Variants in MAP4K5 observed in about 807,000 individuals in gnomAD.
The protein encoded by MAP4K5 is MAPK/ERK kinase kinase kinase 5.
In MAP4K5, 82 loss-of-function variants were observed where a neutral mutation model predicts 135.6. That is an observed-to-expected ratio of 0.60 (90% CI 0.51 to 0.73). MAP4K5 has a LOEUF of 0.73. Among genes scored for constraint, MAP4K5 ranks in the 30% least tolerant of loss-of-function variants. The probability of loss-of-function intolerance (pLI) is 0.00; values close to 1 mark genes in which losing one functional copy is unlikely to be tolerated. For synonymous variants in MAP4K5, 347 were observed against 335.0 expected (o/e 1.04, Z -0.39); for missense variants, 907 against 1,010.9 (o/e 0.90, Z 1.39).
At chr14:50,506,656 G>A (rs889697339) in intron 2 of MAP4K5, among the ~76,000 whole-genome samples, 1 of 152,104 alleles carries the variant, frequency 6.6e-6, no homozygotes, top group Admixed American at 6.5e-5. Flanking sequence ...GGCCTGGCAA[G>A]AAAATAATTT....
intron 14 of MAP4K5, among the ~76,000 whole-genome samples, chr14:50,452,735 A>C (rs937262343): frequency 1.3e-5 from 2 of 152,212 alleles, no homozygotes; most frequent in African/African-American, 4.8e-5. Flanking sequence ...ACATAGAGAC[A>C]TACGCCAATC....
intron 3 of MAP4K5, among the ~76,000 whole-genome samples, chr14:50,491,913 C>T (rs559951924): frequency 6.6e-6 from 1 of 152,222 alleles, no homozygotes; most frequent in South Asian, 2.1e-4. Flanking sequence ...TCTCGAACTT[C>T]TGAGCTCAGG....
At chr14:50,459,785 C>A (rs571568268) in intron 13 of MAP4K5, among the ~76,000 whole-genome samples, 2 of 151,394 alleles carry the variant, frequency 1.3e-5, no homozygotes, top group South Asian at 4.2e-4. Flanking sequence ...GTAACCTTTG[C>A]TTCCCAGACT....
chr14:50,529,498 TATTCATTC>T (rs1006517934), intron 2 of MAP4K5, among the ~76,000 whole-genome samples: 2 of 152,196 alleles, frequency 1.3e-5, no homozygotes, highest in Admixed American at 6.5e-5. Flanking sequence ...CAGAGTCTGA[TATTCATTC>T]ATTCATTCAT....
intron 3 of MAP4K5, among the ~76,000 whole-genome samples, chr14:50,502,295 T>C (rs1212927801): frequency 1.3e-5 from 2 of 152,184 alleles, no homozygotes; most frequent in African/African-American, 2.4e-5. Flanking sequence ...CAAAATAACA[T>C]TCTATGTATG....
rs1348954769 is a variant in MAP4K5, at chr14:50,420,062, T to C, written c.2498A>G (p.His833Arg). Residue 833 changes from histidine (H) to arginine (R), a missense_variant, in exon 33 of 33, where the codon CAC (histidine) becomes CGC (arginine). This residue lies in a region of MAP4K5 where 690 missense variants were observed against 777.4 expected (regional missense o/e 0.89). Coordinates refer to ENST00000682126, the MANE Select transcript of MAP4K5 (RefSeq NM_006575.6). ...TCCAGCCAAGATGTAGAGATTGCTG[T>C]GTGCAGTAGGATTTTCTGTTGGCCT... ...ESRPTENPTA[H>R]SNLYILAGHE... The C allele has an allele frequency of 3.7e-6, 6 of 1,611,314 alleles. No homozygotes were observed. The East Asian group carries it at 1.1e-4, about 30-fold the overall frequency.
At chr14:50,525,953 A>C (rs879483541) in intron 2 of MAP4K5, among the ~76,000 whole-genome samples, 1 of 152,186 alleles carries the variant, frequency 6.6e-6, no homozygotes, top group Non-Finnish European at 1.5e-5. Flanking sequence ...CCATCTATAA[A>C]ATAATAAAAA....
intron 1 of MAP4K5, among the ~76,000 whole-genome samples, chr14:50,549,157 T>C (rs1353143452): frequency 6.6e-6 from 1 of 152,018 alleles, no homozygotes; most frequent in Non-Finnish European, 1.5e-5. Context: ...AGGCCAACCA[T>C]TGTATATAAG....
At chr14:50,484,790 C>T (rs2037328124) in intron 5 of MAP4K5, among the ~76,000 whole-genome samples, 1 of 152,126 alleles carries the variant, frequency 6.6e-6, no homozygotes, top group South Asian at 2.1e-4. Flanking sequence ...GTTTTTATAT[C>T]TACTGTGGCT....
At chr14:50,448,920 G>T in intron 14 of MAP4K5, 88 bp from the exon 15 acceptor site, 1 of 684,898 alleles carries the variant, frequency 1.5e-6, no homozygotes, top group South Asian at 1.8e-5. Context: ...TATGGGGTGG[G>T]GGAGGGAGAA....
intron 9 of MAP4K5, among the ~76,000 whole-genome samples, chr14:50,469,163 G>C (rs1271551247): frequency 6.6e-6 from 1 of 152,178 alleles, no homozygotes; most frequent in African/African-American, 2.4e-5. Flanking sequence ...GGACATTTCA[G>C]TGACAGGAAA....
At chr14:50,482,471 G>T (rs1197051966) in intron 5 of MAP4K5, 55 bp from the exon 6 acceptor site, 9 of 1,200,864 alleles carry the variant, frequency 7.5e-6, no homozygotes, top group Non-Finnish European at 9.8e-6. Flanking sequence ...ATTAGAAACA[G>T]TCTACTTAAA....
intron 14 of MAP4K5, chr14:50,449,638 C>T (rs2139746297): frequency 6.6e-6 from 1 of 152,214 alleles, no homozygotes; most frequent in African/African-American, 2.4e-5. Context: ...TGACATAATT[C>T]ATCACATTAA....
At chr14:50,475,698 C>T (rs1245535199) in intron 8 of MAP4K5, among the ~76,000 whole-genome samples, 1 of 152,144 alleles carries the variant, frequency 6.6e-6, no homozygotes, top group South Asian at 2.1e-4. Context: ...CAGAGTGAGA[C>T]CATCTCCTTC....
At position 50,439,763 on chromosome 14, in the gene MAP4K5, T is replaced by C. The variant is rs560661313; in HGVS notation, c.1705+250A>G. Among the ~76,000 whole-genome samples, 7 of 152,186 alleles carry C rather than the reference T, an allele frequency of 4.6e-5. No individual in the cohort carries two copies. The South Asian group carries it at 1.2e-3, about 27-fold the overall frequency. The stretch of plus-strand genomic sequence containing the variant: ...CTGAGTGGAAGGGAACGGCCTCTAG[T>C]GATAAGCACTGTGATACCCTTCAGG... On this transcript the variant is annotated intron_variant, in intron 23 of 32. Transcript: ENST00000682126.
In MAP4K5 at chr14:50,440,424, CA is replaced by C; in HGVS notation, c.1581del (p.Phe527LeufsTer10). Reference sequence around the variant, plus strand: ...AGTGTGTAAATACCATCTTCAGTTCCAAAAATAATGTACTGATCTAAAATAG... The same window carrying C: ...AGTGTGTAAATACCATCTTCAGTTCCAAAATAATGTACTGATCTAAAATAG... The part of the protein sequence containing the change: ...HPDTKDQYII[F>X]GTEDGIYTLN... On this transcript the variant is annotated frameshift_variant, in exon 22 of 33. Transcript: ENST00000682126. LOFTEE classifies it high-confidence loss of function. 6.3e-7 allele frequency: 1 copy of C among 1,584,322 alleles called. No individual in the cohort carries two copies. The highest frequency in any genetic ancestry group is 8.6e-7 in the Non-Finnish European group (1 of 1,158,524).
At chr14:50,426,054 AATAAT>A (rs765160309) in intron 30 of MAP4K5, 77 bp from the exon 31 acceptor site, 19 of 917,268 alleles carry the variant, frequency 2.1e-5, no homozygotes, top group Non-Finnish European at 2.9e-5. Flanking sequence ...ACTTTTAATA[AATAAT>A]ATAAGCCTAT....
chr14:50,503,487 C>T (rs2037748614), intron 3 of MAP4K5, among the ~76,000 whole-genome samples: 2 of 151,976 alleles, frequency 1.3e-5, no homozygotes, highest in Admixed American at 1.3e-4. Context: ...TAATCATACA[C>T]ATATTTTTCT....
chr14:50,505,829 T>C (rs1392377985), intron 2 of MAP4K5, among the ~76,000 whole-genome samples: 4 of 152,216 alleles, frequency 2.6e-5, no homozygotes. Context: ...CTCTTTATTG[T>C]TGGACATAAA....
Sources: gnomAD v4.1 joint callset for allele counts (sites outside exome capture counted in the v4.1 genomes callset) on GRCh38, gnomAD v4.1.1 for gene constraint, gnomAD v4.1.1 regional missense constraint, MANE v1.5 for transcripts, NCBI Gene and HGNC (gene_info 2026-07-23, HGNC 2026-07-21) for gene names.